The following SEC24A variants were observed in gnomAD, a reference collection of about 807,000 sequenced individuals.
SEC24A encodes the protein protein transport protein Sec24A.
A neutral mutation model predicts 129.4 loss-of-function variants in SEC24A; 93 were observed. The ratio of observed to expected loss-of-function variants is 0.72; its 90% CI spans 0.61 to 0.85. The LOEUF (loss-of-function observed/expected upper bound fraction) is 0.85. Ranked by LOEUF, SEC24A falls within the 40% of genes least tolerant of loss-of-function variation. The pLI, the probability that SEC24A is intolerant of heterozygous loss-of-function variation, is 0.00. For synonymous variants in SEC24A, 460 were observed against 467.3 expected (o/e 0.98, Z 0.20); for missense variants, 1,264 against 1,307.4 (o/e 0.97, Z 0.51).
rs1456798094 is a variant in SEC24A at position 134,697,104 on chromosome 5, CTT to C, written c.1987-20_1987-19del. 4 of 1,326,540 alleles carry C rather than the reference CTT, an allele frequency of 3.0e-6. No homozygotes were observed. The highest frequency in any genetic ancestry group is 2.9e-5 in the African/African-American group (2 of 68,476). The allele number at this position is 1,326,540 out of a possible 1,614,324, so 82.2% of individuals were successfully genotyped here. The stretch of plus-strand genomic sequence containing the variant: ...AATGTAATGATTTTTTAAAATGTCT[CTT>C]TATAATTTATTATAAATAGGATATA... On this transcript the variant is annotated intron_variant, in intron 13 of 22. Coordinates refer to ENST00000398844, the MANE Select transcript of SEC24A (RefSeq NM_021982.3).
intron 2 of SEC24A, among the ~76,000 whole-genome samples, chr5:134,665,704 C>A (rs1311233931): frequency 6.6e-6 from 1 of 151,740 alleles, no homozygotes; most frequent in African/African-American, 2.4e-5. Context: ...TTACAGGTGC[C>A]CACCACCACA....
intron 14 of SEC24A, among the ~76,000 whole-genome samples, chr5:134,697,629 A>C (rs886070401): frequency 2.0e-5 from 3 of 152,076 alleles, no homozygotes; most frequent in African/African-American, 7.2e-5. Flanking sequence ...GGTGGCGCAC[A>C]CCTGTGGTCC....
At chr5:134,659,086 T>TATTC (rs1462758721) in intron 1 of SEC24A, among the ~76,000 whole-genome samples, 1 of 151,054 alleles carries the variant, frequency 6.6e-6, no homozygotes, top group East Asian at 1.9e-4. Context: ...TTTATTTATT[T>TATTC]ATTGAGATGG....
chr5:134,715,097 C>G lies in SEC24A; in HGVS notation c.2801C>G (p.Pro934Arg), dbSNP rs747729541. ...GCTATGTGTCAAGTGAAAAACCAGC[C>G]CTTGGTTTACCTTATGCTCACAACT... ...IFAMCQVKNQ[P>R]LVYLMLTTHP... Residue 934 changes from proline to arginine, a missense_variant, in exon 19 of 23, where the codon CCC (proline) becomes CGC (arginine). Transcript: ENST00000398844. The G allele has an allele frequency of 6.2e-7, 1 of 1,611,412 alleles. No homozygotes were observed. Among genetic ancestry groups the G allele is most frequent in the Non-Finnish European group, 8.5e-7 (1 of 1,178,818 alleles).
At chr5:134,665,833 C>G (rs1251551258) in intron 2 of SEC24A, among the ~76,000 whole-genome samples, 1 of 152,078 alleles carries the variant, frequency 6.6e-6, no homozygotes, top group African/African-American at 2.4e-5. Context: ...TTTTCAGGCT[C>G]ACTCTAAACT....
intron 18 of SEC24A, among the ~76,000 whole-genome samples, chr5:134,713,393 C>T (rs67550207): frequency 0.37 from 55,710 of 151,806 alleles, 11,256 homozygotes; most frequent in East Asian, 0.67. Flanking sequence ...CCCTAATCAC[C>T]CTTACCTCCT....
chr5:134,698,649 T>G (rs1488743941), intron 15 of SEC24A, among the ~76,000 whole-genome samples: 2 of 148,832 alleles, frequency 1.3e-5, no homozygotes, highest in Non-Finnish European at 3.0e-5. Context: ...TTTTTTTTTT[T>G]GAGATGGTAT....
At chr5:134,712,508 C>T (rs1034500940) in intron 18 of SEC24A, among the ~76,000 whole-genome samples, 2 of 152,260 alleles carry the variant, frequency 1.3e-5, no homozygotes, top group African/African-American at 4.8e-5. Context: ...CCATGGCCTC[C>T]CAAAGTACTG....
intron 17 of SEC24A, among the ~76,000 whole-genome samples, chr5:134,706,854 C>G (rs543745286): frequency 8.5e-5 from 13 of 152,218 alleles, no homozygotes; most frequent in Non-Finnish European, 1.6e-4. Flanking sequence ...CCACACCCAG[C>G]TAATTTTTGT....
chr5:134,671,887 G>A lies in SEC24A; in HGVS notation c.817+1G>A. 6.3e-7 allele frequency: 1 copy of A among 1,595,418 alleles called. No individual in the cohort carries two copies. The highest frequency in any genetic ancestry group is 8.6e-7 in the Non-Finnish European group (1 of 1,168,900). On this transcript the variant is annotated splice_donor_variant, in intron 4 of 22. Transcript: ENST00000398844. LOFTEE classifies it high-confidence loss of function. ...GAGATTGAAGGAGGTGGCTTATTGGGTGAGATGCTATGAAAGTTTTTTTTT... is the reference window on the plus strand; with the variant it reads ...GAGATTGAAGGAGGTGGCTTATTGGATGAGATGCTATGAAAGTTTTTTTTT...
chr5:134,655,205 G>T (rs370754643), intron 1 of SEC24A, among the ~76,000 whole-genome samples: 25 of 152,122 alleles, frequency 1.6e-4, no homozygotes, highest in East Asian at 1.3e-3. Flanking sequence ...TTTTACAAAG[G>T]TGGGACCTGG....
intron 9 of SEC24A, among the ~76,000 whole-genome samples, chr5:134,685,722 A>G (rs909650713): frequency 6.6e-6 from 1 of 152,034 alleles, no homozygotes; most frequent in Admixed American, 6.6e-5. Context: ...AGTGGCTCAC[A>G]CCTGTAATCC....
At chr5:134,653,596 G>A in intron 1 of SEC24A, among the ~76,000 whole-genome samples, 1 of 152,106 alleles carries the variant, frequency 6.6e-6, no homozygotes, top group East Asian at 1.9e-4. Context: ...CAGGTGTGGT[G>A]GCTCACACCT....
intron 1 of SEC24A, among the ~76,000 whole-genome samples, chr5:134,660,591 TG>T (rs1279572139): frequency 1.5e-4 from 22 of 151,530 alleles, no homozygotes; most frequent in African/African-American, 4.1e-4. Context: ...TTTTTTTTTT[TG>T]TCACCCAGGC....
At chr5:134,707,523 G>T (rs1236364939) in intron 17 of SEC24A, among the ~76,000 whole-genome samples, 2 of 151,844 alleles carry the variant, frequency 1.3e-5, no homozygotes, top group Non-Finnish European at 2.9e-5. Flanking sequence ...TAGAGACGGG[G>T]TTTCACCATG....
chr5:134,695,249 A>G (rs1434247091), intron 13 of SEC24A, among the ~76,000 whole-genome samples: 2 of 151,970 alleles, frequency 1.3e-5, no homozygotes, highest in Non-Finnish European at 2.9e-5. Context: ...CTGAGAGCCT[A>G]TAGTCCTAGC....
At chr5:134,676,438 C>CTT (rs34581398) in intron 7 of SEC24A, among the ~76,000 whole-genome samples, 2,144 of 84,096 alleles carry the variant, frequency 0.025, 166 homozygotes, top group African/African-American at 0.037. Context: ...GCGCCCGGCT[C>CTT]TTTTTTTTTT....
chr5:134,685,707 G>A (rs1457058002), intron 9 of SEC24A, among the ~76,000 whole-genome samples: 1 of 152,108 alleles, frequency 6.6e-6, no homozygotes, highest in African/African-American at 2.4e-5. Flanking sequence ...GTCTTGGCCA[G>A]GTGCAGTGGC....
intron 21 of SEC24A, among the ~76,000 whole-genome samples, chr5:134,722,079 G>A (rs1051837351): frequency 1.3e-5 from 2 of 152,160 alleles, no homozygotes; most frequent in African/African-American, 4.8e-5. Context: ...GGTTTTTTTA[G>A]ATGAGGGCTT....
Sources: gnomAD v4.1 joint callset for allele counts (sites outside exome capture counted in the v4.1 genomes callset) on GRCh38, gnomAD v4.1.1 for gene constraint, MANE v1.5 for transcripts, NCBI Gene and HGNC (gene_info 2026-07-23, HGNC 2026-07-21) for gene names.